The following GPATCH8 variants were observed in gnomAD, a reference collection of about 807,000 sequenced individuals.
GPATCH8 encodes G-patch domain containing 8, also known as G patch domain-containing protein 8.
In GPATCH8, 18 loss-of-function variants were observed where a neutral mutation model predicts 118.3. The ratio of observed to expected loss-of-function variants is 0.15; its 90% CI spans 0.11 to 0.23. The LOEUF (loss-of-function observed/expected upper bound fraction) is 0.23, where lower values mean the gene tolerates loss of function less well. Ranked by LOEUF, GPATCH8 falls within the 10% of genes least tolerant of loss-of-function variation. The pLI is 1.00. For synonymous variants in GPATCH8, 659 were observed against 684.7 expected, an observed-to-expected ratio of 0.96 and a Z score of 0.59; for missense variants, 1,631 against 1,873.8, an observed-to-expected ratio of 0.87 and a Z score of 2.39.
chr17:44,500,840 A>G (rs1013618744), intron 1 of GPATCH8, among the ~76,000 whole-genome samples: 1 of 152,218 alleles, frequency 6.6e-6, no homozygotes, highest in Non-Finnish European at 1.5e-5. Context: ...TTAATTTTGA[A>G]TAACCTGAAG....
intron 6 of GPATCH8, among the ~76,000 whole-genome samples, chr17:44,415,598 G>A (rs1331415410): frequency 1.3e-5 from 2 of 152,186 alleles, no homozygotes; most frequent in Non-Finnish European, 2.9e-5. Flanking sequence ...GGTAAAATCT[G>A]AAGGCGGATA....
At chr17:44,477,467 C>T (rs955483071) in intron 1 of GPATCH8, among the ~76,000 whole-genome samples, 1 of 152,018 alleles carries the variant, frequency 6.6e-6, no homozygotes, top group African/African-American at 2.4e-5. Context: ...AACTCCTGGG[C>T]TCAAGGAGCC....
At chr17:44,414,545 G>A (rs553873439) in intron 6 of GPATCH8, among the ~76,000 whole-genome samples, 1 of 152,280 alleles carries the variant, frequency 6.6e-6, no homozygotes, top group African/African-American at 2.4e-5. Context: ...CTGGGATCAA[G>A]GGATCCTCCT....
intron 3 of GPATCH8, among the ~76,000 whole-genome samples, chr17:44,458,255 G>GAAA (rs542843854): frequency 6.7e-5 from 5 of 74,980 alleles, no homozygotes; most frequent in African/African-American, 1.5e-4. Context: ...TGTCTCAAAG[G>GAAA]AAAAAAAAAA....
At position 44,488,419 on chromosome 17, in the gene GPATCH8, C is replaced by A. The variant is rs1013348229; in HGVS notation, c.46-13516G>T. Reference sequence around the variant, plus strand: ...AGTCTTGCTCTGTCACCCAGGCTGGCGTGCAGTGGCATGATCTCGGCTCAC... The same window carrying A: ...AGTCTTGCTCTGTCACCCAGGCTGGAGTGCAGTGGCATGATCTCGGCTCAC... On this transcript the variant is annotated intron_variant, in intron 1 of 7. Coordinates refer to ENST00000591680, the MANE Select transcript of GPATCH8 (RefSeq NM_001002909.4). 8.1e-5 allele frequency among the ~76,000 whole-genome samples: 12 copies of A among 148,712 alleles called. No homozygotes were observed. The East Asian group carries it at 2.1e-3, about 26-fold the overall frequency.
chr17:44,483,204 T>TACAC (rs1280066327), intron 1 of GPATCH8, among the ~76,000 whole-genome samples: 3 of 76,756 alleles, frequency 3.9e-5, no homozygotes, highest in Admixed American at 1.6e-4. Flanking sequence ...TATATATATA[T>TACAC]ATATATATAT....
At chr17:44,444,963 C>T (rs2050825989) in intron 3 of GPATCH8, among the ~76,000 whole-genome samples, 1 of 152,046 alleles carries the variant, frequency 6.6e-6, no homozygotes, top group Non-Finnish European at 1.5e-5. Flanking sequence ...TGATGCGCGC[C>T]GCTTAACATC....
intron 3 of GPATCH8, among the ~76,000 whole-genome samples, chr17:44,459,514 G>C (rs1376205559): frequency 1.3e-5 from 2 of 152,102 alleles, no homozygotes; most frequent in East Asian, 3.8e-4. Flanking sequence ...ATCAAACCCA[G>C]ATCTTTTATT....
intron 2 of GPATCH8, 79 bp downstream of exon 2, chr17:44,474,750 A>C: frequency 1.3e-6 from 1 of 769,986 alleles, no homozygotes; most frequent in Non-Finnish European, 2.4e-6. Context: ...AATAAGTTTA[A>C]CTTCACTCAC....
At chr17:44,469,113 A>G (rs1207611311) in intron 2 of GPATCH8, among the ~76,000 whole-genome samples, 3 of 152,202 alleles carry the variant, frequency 2.0e-5, no homozygotes, top group Non-Finnish European at 4.4e-5. Context: ...ACATAAATAT[A>G]TCATTAAAAT....
intron 6 of GPATCH8, among the ~76,000 whole-genome samples, chr17:44,420,221 T>G (rs1443362202): frequency 6.6e-6 from 1 of 152,142 alleles, no homozygotes; most frequent in African/African-American, 2.4e-5. Context: ...ATTTTTATTT[T>G]GATGGTACTC....
intron 3 of GPATCH8, among the ~76,000 whole-genome samples, chr17:44,462,817 T>C (rs2144287467): frequency 6.6e-6 from 1 of 151,722 alleles, no homozygotes; most frequent in Admixed American, 6.6e-5. Context: ...CCCGTCTCTA[T>C]AAAAATACAA....
intron 6 of GPATCH8, among the ~76,000 whole-genome samples, chr17:44,422,281 A>T (rs1234259312): frequency 6.6e-6 from 1 of 152,098 alleles, no homozygotes; most frequent in African/African-American, 2.4e-5. Context: ...TCCTGGGCTC[A>T]AGCGATTCTA....
intron 2 of GPATCH8, among the ~76,000 whole-genome samples, chr17:44,472,611 C>T (rs541913529): frequency 5.3e-5 from 8 of 152,204 alleles, no homozygotes; most frequent in Non-Finnish European, 1.0e-4. Flanking sequence ...ACCAACCATG[C>T]ACCTTGTAGA....
intron 3 of GPATCH8, among the ~76,000 whole-genome samples, chr17:44,453,997 T>C (rs971439248): frequency 6.6e-6 from 1 of 152,170 alleles, no homozygotes; most frequent in Non-Finnish European, 1.5e-5. Context: ...ACCATGGACA[T>C]AATCTGCTCC....
chr17:44,431,304 G>T (rs1284163669), intron 5 of GPATCH8, among the ~76,000 whole-genome samples: 3 of 148,526 alleles, frequency 2.0e-5, no homozygotes, highest in African/African-American at 7.5e-5. Context: ...AAACCAGGAG[G>T]CAAAGGTTGC....
intron 3 of GPATCH8, among the ~76,000 whole-genome samples, chr17:44,458,450 G>C (rs1305898286): frequency 2.0e-5 from 3 of 152,060 alleles, no homozygotes; most frequent in Non-Finnish European, 4.4e-5. Context: ...CTTGTTCTTT[G>C]CCTATAATGA....
At chr17:44,449,444 C>T (rs2051030305) in intron 3 of GPATCH8, among the ~76,000 whole-genome samples, 1 of 151,878 alleles carries the variant, frequency 6.6e-6, no homozygotes, top group South Asian at 2.1e-4. Flanking sequence ...CTCAAGCCAT[C>T]CTCCCACCTC....
intron 6 of GPATCH8, among the ~76,000 whole-genome samples, chr17:44,422,713 C>A (rs1395355445): frequency 6.6e-6 from 1 of 151,120 alleles, no homozygotes; most frequent in African/African-American, 2.4e-5. Flanking sequence ...CTCCTGACCT[C>A]GTGATCCGCC....
Sources: allele counts gnomAD v4.1 joint callset (sites outside exome capture counted in the v4.1 genomes callset), GRCh38; gene constraint gnomAD v4.1.1; transcripts MANE v1.5; gene names NCBI Gene and HGNC (gene_info 2026-07-23, HGNC 2026-07-21).